Variants in SAMD5 observed in about 807,000 individuals in gnomAD.
SAMD5 encodes the protein sterile alpha motif domain containing 5.
A neutral mutation model predicts 11.3 loss-of-function variants in SAMD5; 13 were observed. The ratio of observed to expected loss-of-function variants is 1.15; its 90% CI spans 0.75 to 1.83. SAMD5 has a LOEUF of 1.83. Among genes scored for constraint, SAMD5 ranks in the 40% most tolerant of loss-of-function variants. SAMD5 has a pLI of 0.00. For synonymous variants in SAMD5, 129 were observed against 111.3 expected (o/e 1.16, Z -1.00); for missense variants, 255 against 239.1 (o/e 1.07, Z -0.44).
chr6:147,583,490 G>A (rs1034400771), intron 1 of SAMD5, among the ~76,000 whole-genome samples: 7 of 152,052 alleles, frequency 4.6e-5, no homozygotes, highest in African/African-American at 1.2e-4. Flanking sequence ...GCAGCCAATT[G>A]TTTTGAGAGA....
chr6:147,729,900 C>T, intron 1 of SAMD5: 1 of 447,150 alleles, frequency 2.2e-6, no homozygotes, highest in Admixed American at 2.4e-5. Context: ...ACCTGGCCAA[C>T]ATGGTGAAAC....
chr6:147,843,662 TAGGATAA>T, the SAMD5 span, among the ~76,000 whole-genome samples: 276 of 152,186 alleles, frequency 1.8e-3, 1 homozygote, highest in African/African-American at 6.2e-3. Context: ...ACCAATGAAA[TAGGATAA>T]AGAATCTAGA....
the SAMD5 span, among the ~76,000 whole-genome samples, chr6:147,835,515 G>A: frequency 6.6e-6 from 1 of 152,154 alleles, no homozygotes; most frequent in Non-Finnish European, 1.5e-5. Flanking sequence ...CTTTAGAGCA[G>A]TGAAGTGGCC....
chr6:147,895,719 A>C, the SAMD5 span, among the ~76,000 whole-genome samples: 1 of 152,210 alleles, frequency 6.6e-6, no homozygotes, highest in Non-Finnish European at 1.5e-5. Flanking sequence ...ACAGGGATAG[A>C]AGATTGAAGA....
At chr6:147,945,545 G>A in the SAMD5 span, among the ~76,000 whole-genome samples, 1 of 152,212 alleles carries the variant, frequency 6.6e-6, no homozygotes, top group African/African-American at 2.4e-5. Flanking sequence ...CATTGGAGGT[G>A]ATGTCAGGGA....
intron 1 of SAMD5, among the ~76,000 whole-genome samples, chr6:147,581,316 G>T (rs1165933721): frequency 1.3e-5 from 2 of 152,190 alleles, no homozygotes; most frequent in African/African-American, 4.8e-5. Context: ...TTTATGTTGA[G>T]ATATGTCCTT....
At chr6:147,626,110 T>C (rs1350253508) in intron 1 of SAMD5, among the ~76,000 whole-genome samples, 1 of 152,162 alleles carries the variant, frequency 6.6e-6, no homozygotes, top group Non-Finnish European at 1.5e-5. Context: ...GTGCTGGCCT[T>C]ACTTCTTTGA....
At chr6:147,916,238 C>A in the SAMD5 span, among the ~76,000 whole-genome samples, 1 of 152,070 alleles carries the variant, frequency 6.6e-6, no homozygotes, top group Admixed American at 6.6e-5. Flanking sequence ...TTTATAGCAG[C>A]ATGATTTATA....
intron 1 of SAMD5, among the ~76,000 whole-genome samples, chr6:147,611,846 C>T (rs563609740): frequency 2.0e-5 from 3 of 152,216 alleles, no homozygotes; most frequent in Admixed American, 6.5e-5. Context: ...TGCAGTCATA[C>T]GTCAGCTTCA....
At chr6:147,657,692 C>T (rs1790591166) in intron 1 of SAMD5, among the ~76,000 whole-genome samples, 1 of 152,150 alleles carries the variant, frequency 6.6e-6, no homozygotes, top group African/African-American at 2.4e-5. Context: ...CCGGTGAGGG[C>T]CTGCTTGCTG....
intron 1 of SAMD5, among the ~76,000 whole-genome samples, chr6:147,656,899 C>CATGTGTGTGTGT (rs1790576544): frequency 6.7e-6 from 1 of 149,062 alleles, no homozygotes; most frequent in African/African-American, 2.5e-5. Context: ...ATACAGTATA[C>CATGTGTGTGTGT]GTGTGTGTGT....
the SAMD5 span, among the ~76,000 whole-genome samples, chr6:147,854,549 C>G: frequency 0.012 from 1,860 of 152,270 alleles, 41 homozygotes; most frequent in South Asian, 0.074. Flanking sequence ...CTGACTTGCT[C>G]TATTGTACCT....
the SAMD5 span, among the ~76,000 whole-genome samples, chr6:147,871,938 G>A: frequency 6.6e-6 from 1 of 152,178 alleles, no homozygotes; most frequent in South Asian, 2.1e-4. Flanking sequence ...GAGAAACTTA[G>A]CATTCAGAAA....
Position 147,569,522 on chromosome 6 carries a change from A to G in SAMD5, c.*5066A>G, listed in dbSNP as rs1789102946. ...GATGGGAAATGTCTTTTATAGGTAT[A>G]TTCTGTATAATACCCTTAATTAGAT... On this transcript the variant is annotated 3_prime_UTR_variant, in exon 2 of 2. Coordinates refer to ENST00000367474, the MANE Select transcript of SAMD5 (RefSeq NM_001030060.3). 1 of 849,954 alleles carries G rather than the reference A, an allele frequency of 1.2e-6. No homozygotes were observed. Among genetic ancestry groups the G allele is most frequent in the Non-Finnish European group, 1.4e-6 (1 of 706,440 alleles). 52.7% of individuals were successfully genotyped at this position (849,954 alleles called of 1,614,324 possible). A position where few individuals can be genotyped will look rare whatever the true frequency, so the allele number is the denominator to read the frequency against.
At chr6:147,891,789 C>CA in the SAMD5 span, among the ~76,000 whole-genome samples, 1,054 of 147,568 alleles carry the variant, frequency 7.1e-3, 16 homozygotes, top group African/African-American at 0.025. Flanking sequence ...TAAATTAAAA[C>CA]AAAAAAAAAA....
At chr6:147,905,090 A>T in the SAMD5 span, among the ~76,000 whole-genome samples, 1 of 151,864 alleles carries the variant, frequency 6.6e-6, no homozygotes, top group African/African-American at 2.4e-5. Flanking sequence ...GTTTCTCCAC[A>T]TTGGTCAGGC....
chr6:147,607,841 G>A (rs534383464), intron 1 of SAMD5, among the ~76,000 whole-genome samples: 1 of 152,226 alleles, frequency 6.6e-6, no homozygotes, highest in East Asian at 1.9e-4. Context: ...AAAGTGAAAA[G>A]ACAACCCACA....
intron 1 of SAMD5, among the ~76,000 whole-genome samples, chr6:147,611,499 G>T (rs1332475507): frequency 6.6e-6 from 1 of 151,372 alleles, no homozygotes; most frequent in African/African-American, 2.4e-5. Flanking sequence ...GGATGCGGAG[G>T]TTGCAGTGAG....
chr6:147,796,764 G>A, the SAMD5 span, among the ~76,000 whole-genome samples: 1 of 150,382 alleles, frequency 6.6e-6, no homozygotes, highest in African/African-American at 2.5e-5. Context: ...TTGTAGTTCT[G>A]CTTGAAGAGG....
Sources: gnomAD v4.1 joint callset for allele counts (sites outside exome capture counted in the v4.1 genomes callset) on GRCh38, gnomAD v4.1.1 for gene constraint, MANE v1.5 for transcripts, NCBI Gene and HGNC (gene_info 2026-07-23, HGNC 2026-07-21) for gene names.